NETO1: variants seen among roughly 807,000 people sequenced by gnomAD.
The protein encoded by NETO1 is neuropilin and tolloid-like protein 1.
In NETO1, 26 loss-of-function variants were observed where a neutral mutation model predicts 61.3. The ratio of observed to expected loss-of-function variants is 0.42; its 90% CI spans 0.31 to 0.59. NETO1 has a LOEUF of 0.59. Ranked by LOEUF, NETO1 falls within the 20% of genes least tolerant of loss-of-function variation. The pLI is 0.12. For synonymous variants in NETO1, 225 were observed against 225.8 expected (o/e 1.00, Z 0.03); for missense variants, 531 against 662.8 (o/e 0.80, Z 2.18).
chr18:72,786,440 A>G (rs976713892), intron 6 of NETO1, among the ~76,000 whole-genome samples: 20 of 152,232 alleles, frequency 1.3e-4, no homozygotes, highest in Non-Finnish European at 2.5e-4. Flanking sequence ...CTTGAGTTGT[A>G]GTATGCTTTG....
At chr18:72,865,837 T>C (rs933183867) in intron 1 of NETO1, 1 of 650,744 alleles carries the variant, frequency 1.5e-6, no homozygotes, top group Non-Finnish European at 2.4e-6. Context: ...AACCTCCAAG[T>C]AACCCCGTCC....
chr18:72,843,524 G>A (rs2073996585), intron 4 of NETO1, among the ~76,000 whole-genome samples: 2 of 151,770 alleles, frequency 1.3e-5, no homozygotes, highest in Admixed American at 1.3e-4. Flanking sequence ...AGTTATACCG[G>A]AAAAAAAATG....
chr18:72,748,838 C>T (rs1254698538), intron 10 of NETO1, among the ~76,000 whole-genome samples, 176 bp downstream of exon 10: 5 of 151,872 alleles, frequency 3.3e-5, no homozygotes, highest in African/African-American at 2.4e-5. Context: ...GTATGTATCC[C>T]GAGAATCATC....
chr18:72,799,267 T>G (rs2072422749), intron 4 of NETO1, among the ~76,000 whole-genome samples: 1 of 152,172 alleles, frequency 6.6e-6, no homozygotes. Context: ...TTGTTAGGAT[T>G]AATGAGTCAC....
chr18:72,818,129 C>CA (rs1385351397), intron 4 of NETO1, among the ~76,000 whole-genome samples: 2 of 152,026 alleles, frequency 1.3e-5, no homozygotes, highest in Admixed American at 6.6e-5. Flanking sequence ...TACTATTAAT[C>CA]AAAAATGCAT....
chr18:72,834,981 A>C (rs900727663), intron 4 of NETO1: 1 of 833,608 alleles, frequency 1.2e-6, no homozygotes, highest in Non-Finnish European at 1.4e-6. Context: ...ACAATATTAC[A>C]TAAAATATAA....
chr18:72,841,821 C>T (rs1365754774), intron 4 of NETO1, among the ~76,000 whole-genome samples: 1 of 151,160 alleles, frequency 6.6e-6, no homozygotes, highest in Non-Finnish European at 1.5e-5. Context: ...ATCTTGCTTT[C>T]CAAATCTGCT....
At chr18:72,749,419 A>G (rs1452826392) in intron 9 of NETO1, among the ~76,000 whole-genome samples, 2 of 152,294 alleles carry the variant, frequency 1.3e-5, no homozygotes, top group South Asian at 2.1e-4. Context: ...TAATACTACA[A>G]CACAGATAAT....
chr18:72,774,991 G>T (rs2071497929), intron 7 of NETO1, among the ~76,000 whole-genome samples: 1 of 152,144 alleles, frequency 6.6e-6, no homozygotes, highest in Non-Finnish European at 1.5e-5. Context: ...TTTATAGGAT[G>T]AAGTCTGTAT....
At chr18:72,858,742 A>G in intron 4 of NETO1, 84 bp downstream of exon 4, 1 of 1,295,256 alleles carries the variant, frequency 7.7e-7, no homozygotes, top group Non-Finnish European at 1.1e-6. Context: ...GAGAAAGTAT[A>G]ATGTTGTCTT....
intron 4 of NETO1, among the ~76,000 whole-genome samples, chr18:72,819,723 G>GA (rs1599069968): frequency 6.6e-6 from 1 of 151,928 alleles, no homozygotes; most frequent in East Asian, 1.9e-4. Flanking sequence ...CCTAGTAAGA[G>GA]AAAAATACCA....
At chr18:72,775,164 A>AGAG (rs1368134738) in intron 7 of NETO1, among the ~76,000 whole-genome samples, 1 of 152,238 alleles carries the variant, frequency 6.6e-6, no homozygotes, top group Non-Finnish European at 1.5e-5. Context: ...AGCAAGCTGC[A>AGAG]GAGGTGGTAC....
chr18:72,829,319 A>C (rs962448958), intron 4 of NETO1, among the ~76,000 whole-genome samples: 3 of 152,208 alleles, frequency 2.0e-5, no homozygotes, highest in African/African-American at 7.2e-5. Flanking sequence ...GCTGATCTAT[A>C]GACCAACCAA....
chr18:72,807,712 A>G (rs1387169235), intron 4 of NETO1, among the ~76,000 whole-genome samples: 1 of 97,438 alleles, frequency 1.0e-5, no homozygotes, highest in Non-Finnish European at 2.2e-5. Flanking sequence ...CAATGAAGAC[A>G]AGAACACACA....
At chr18:72,849,983 CT>C (rs1289848144) in intron 4 of NETO1, among the ~76,000 whole-genome samples, 5 of 152,206 alleles carry the variant, frequency 3.3e-5, no homozygotes, top group African/African-American at 1.2e-4. Context: ...CTGAGAAAGC[CT>C]TGTAATTACA....
intron 1 of NETO1, among the ~76,000 whole-genome samples, chr18:72,865,977 T>C (rs1312054504): frequency 2.0e-5 from 3 of 152,216 alleles, no homozygotes; most frequent in African/African-American, 4.8e-5. Context: ...GGGTCAGGTT[T>C]CCAGTGTCAA....
chr18:72,816,403 C>T (rs970354881), intron 4 of NETO1, among the ~76,000 whole-genome samples: 2 of 152,080 alleles, frequency 1.3e-5, no homozygotes, highest in African/African-American at 2.4e-5. Flanking sequence ...GTTACACCAG[C>T]GTTTATCTAA....
At chr18:72,824,710 C>CA (rs10694713) in intron 4 of NETO1, among the ~76,000 whole-genome samples, 63,961 of 144,236 alleles carry the variant, frequency 0.44, 14,399 homozygotes, top group Admixed American at 0.48. Context: ...ACTTAAAATA[C>CA]AAAAAAAAAA....
Position 72,750,284 on chromosome 18 carries a change from G to T in NETO1, c.1319C>A (p.Thr440Asn). The T allele has an allele frequency of 1.2e-6, 2 of 1,614,044 alleles. No homozygotes were observed. Among genetic ancestry groups the T allele is most frequent in the Non-Finnish European group, 1.7e-6 (2 of 1,179,982 alleles). ...DHHCGSQLSSTKGSRSNLSTR... is the reference protein window; with the variant it reads ...DHHCGSQLSSNKGSRSNLSTR... ...GCTGAGGTTACTGCGGCTGCCTTTA[G>T]TGCTGGACAGCTGTGATCCACAGTG... is the stretch of plus-strand genomic sequence containing the variant. Residue 440 changes from threonine to asparagine, a missense_variant, in exon 9 of 11, where the codon ACT (threonine) becomes AAT (asparagine). Thr to Asn is a moderately conservative substitution (Grantham distance 65). Transcript: ENST00000327305.
Sources: gnomAD v4.1 joint callset for allele counts (sites outside exome capture counted in the v4.1 genomes callset) on GRCh38, gnomAD v4.1.1 for gene constraint, MANE v1.5 for transcripts, NCBI Gene and HGNC (gene_info 2026-07-23, HGNC 2026-07-21) for gene names.